Variants in PXDNL observed in about 807,000 individuals in gnomAD.
PXDNL encodes the protein probable oxidoreductase PXDNL.
Under a neutral mutation model 150.8 loss-of-function variants are expected in PXDNL, and 145 were observed. The observed-to-expected ratio is 0.96, with a 90% confidence interval of 0.84 to 1.10. PXDNL has a LOEUF of 1.10. Ranked by LOEUF, PXDNL falls within the 50% of genes least tolerant of loss-of-function variation. PXDNL has a pLI of 0.00. For synonymous variants in PXDNL, 757 were observed against 725.7 expected, an observed-to-expected ratio of 1.04 and a Z score of -0.69; for missense variants, 2,087 against 1,873.9, an observed-to-expected ratio of 1.11 and a Z score of -2.10.
chr8:51,531,970 G>A (rs538390713), intron 4 of PXDNL, among the ~76,000 whole-genome samples: 4 of 152,232 alleles, frequency 2.6e-5, no homozygotes, highest in Non-Finnish European at 5.9e-5. Context: ...CCCCAAACAC[G>A]GTTTAATGTA....
intron 3 of PXDNL, among the ~76,000 whole-genome samples, chr8:51,582,745 TACA>T (rs1813235874): frequency 6.6e-6 from 1 of 152,180 alleles, no homozygotes; most frequent in Non-Finnish European, 1.5e-5. Context: ...AGTAAGACAC[TACA>T]GTTATCCTAT....
chr8:51,370,734 T>C (rs2130780320), intron 19 of PXDNL, among the ~76,000 whole-genome samples: 1 of 152,300 alleles, frequency 6.6e-6, no homozygotes, highest in South Asian at 2.1e-4. Flanking sequence ...GTAGCTACGA[T>C]TACAGGTACC....
intron 1 of PXDNL, among the ~76,000 whole-genome samples, chr8:51,735,816 G>A (rs1047802324): frequency 1.3e-5 from 2 of 152,054 alleles, no homozygotes; most frequent in East Asian, 3.9e-4. Flanking sequence ...AAAGTGCTGG[G>A]ATTACAGGCG....
In PXDNL at chr8:51,409,252, G is replaced by A. The variant is rs1281701815; in HGVS notation, c.2372C>T (p.Ala791Val). The change falls in exon 17 of 23, where the codon GCG becomes GTG. Residue 791 changes from alanine (A) to valine (V), a missense_variant. Ala to Val is a moderately conservative substitution (Grantham distance 64). Coordinates refer to ENST00000356297, the MANE Select transcript of PXDNL (RefSeq NM_144651.5). ...GTAGCTGTGGTCGGGGGTGACGGCC[G>A]CCGCGCGCGCCCACACTGTGGCGAC... ...RLVATVWARA[A>V]AVTPDHSYTR... 2.0e-6 allele frequency: 3 copies of A among 1,494,264 alleles called. No individual in the cohort carries two copies. The highest frequency in any genetic ancestry group is 5.0e-5 in the East Asian group (2 of 40,380). The allele number at this position is 1,494,264 out of a possible 1,614,324, so 92.6% of individuals were successfully genotyped here.
At chr8:51,442,695 T>A (rs1003513785) in intron 12 of PXDNL, among the ~76,000 whole-genome samples, 1 of 152,038 alleles carries the variant, frequency 6.6e-6, no homozygotes, top group Admixed American at 6.6e-5. Context: ...TACTCTTTTG[T>A]TCTTAAATTT....
At chr8:51,748,705 G>A (rs2037012549) in intron 1 of PXDNL, among the ~76,000 whole-genome samples, 1 of 152,172 alleles carries the variant, frequency 6.6e-6, no homozygotes, top group South Asian at 2.1e-4. Context: ...GAGGTCACGA[G>A]CCCCTGGGCC....
rs1263989662 is a variant in PXDNL, at chr8:51,426,682, A to G, written c.1602T>C (p.Ala534=). ...VGKNINISCH[A]QGEPQPIITW... ...TAATTATGGGCTGTGGTTCTCCTTGAGCATGACATGAAATGTTTATATTCT... is the reference window on the plus strand; with the variant it reads ...TAATTATGGGCTGTGGTTCTCCTTGGGCATGACATGAAATGTTTATATTCT... The change falls in exon 13 of 23, where the codon GCT becomes GCC. Residue 534 remains alanine (A), a synonymous_variant. Coordinates refer to ENST00000356297, the MANE Select transcript of PXDNL (RefSeq NM_144651.5). 8.7e-6 allele frequency: 14 copies of G among 1,607,706 alleles called. No homozygotes were observed. The highest frequency in any genetic ancestry group is 2.2e-5 in the East Asian group (1 of 44,810).
chr8:51,615,535 A>G (rs531835147), intron 2 of PXDNL, among the ~76,000 whole-genome samples: 6 of 145,014 alleles, frequency 4.1e-5, no homozygotes, highest in South Asian at 2.1e-4. Flanking sequence ...GTCTGGGGGG[A>G]AAAGAGAGGA....
chr8:51,687,225 C>T (rs1395085147), intron 1 of PXDNL, among the ~76,000 whole-genome samples: 6 of 152,140 alleles, frequency 3.9e-5, no homozygotes, highest in African/African-American at 1.2e-4. Context: ...ACCAAACACT[C>T]CTGCTATGAA....
chr8:51,368,364 G>A (rs137923489), intron 19 of PXDNL, among the ~76,000 whole-genome samples: 1,989 of 152,152 alleles, frequency 0.013, 35 homozygotes, highest in African/African-American at 0.044. Flanking sequence ...AATCTTGACT[G>A]CATTTATATT....
chr8:51,623,949 CT>C (rs1395565180), intron 2 of PXDNL, among the ~76,000 whole-genome samples: 2 of 151,772 alleles, frequency 1.3e-5, no homozygotes, highest in African/African-American at 4.8e-5. Context: ...AAAAAGTAGC[CT>C]GCTGTGGTGG....
intron 3 of PXDNL, among the ~76,000 whole-genome samples, chr8:51,567,393 G>A (rs749623275): frequency 5.9e-5 from 9 of 151,654 alleles, no homozygotes; most frequent in African/African-American, 2.2e-4. Flanking sequence ...TATCATAGTC[G>A]ATTCCTCTAT....
chr8:51,723,274 A>T (rs2130920049), intron 1 of PXDNL, among the ~76,000 whole-genome samples: 1 of 152,322 alleles, frequency 6.6e-6, no homozygotes, highest in South Asian at 2.1e-4. Context: ...GTGGTAAAGG[A>T]AACACAAATT....
At chr8:51,658,083 C>G (rs532815094) in intron 1 of PXDNL, among the ~76,000 whole-genome samples, 1 of 152,108 alleles carries the variant, frequency 6.6e-6, no homozygotes, top group African/African-American at 2.4e-5. Context: ...GTAGCTCATG[C>G]CTGTAATCCC....
At chr8:51,339,569 G>A in intron 21 of PXDNL, 55 bp downstream of exon 21, 1 of 1,542,006 alleles carries the variant, frequency 6.5e-7, no homozygotes, top group Admixed American at 1.8e-5. Context: ...AATCTTTTAT[G>A]TTTAGTTATT....
rs547584910 is a variant in PXDNL at position 51,654,323 on chromosome 8, T to C, written c.236+366A>G. On this transcript the variant is annotated intron_variant, in intron 2 of 22. Coordinates refer to ENST00000356297, the MANE Select transcript of PXDNL (RefSeq NM_144651.5). The stretch of plus-strand genomic sequence containing the variant: ...CAAATAAGAAGGCCTAGTAGCATAC[T>C]GAGTAGAGCATGGGCTTTGCAGTTA... Among the ~76,000 whole-genome samples the C allele has an allele frequency of 1.9e-3, 285 of 152,370 alleles. 1 individual carries two copies. The highest frequency in any genetic ancestry group is 6.6e-3 in the African/African-American group (276 of 41,592).
At chr8:51,346,033 G>T in intron 19 of PXDNL, 86 bp from the exon 20 acceptor site, 1 of 790,798 alleles carries the variant, frequency 1.3e-6, no homozygotes, top group Non-Finnish European at 2.1e-6. Context: ...CAGTCAGAGA[G>T]GGCAAGAGTA....
intron 4 of PXDNL, among the ~76,000 whole-genome samples, chr8:51,505,166 C>T (rs1186897081): frequency 6.6e-6 from 1 of 152,084 alleles, no homozygotes; most frequent in Admixed American, 6.6e-5. Context: ...TTTGACATCT[C>T]GTATCTGAGT....
chr8:51,739,016 G>C (rs2036873529), intron 1 of PXDNL, among the ~76,000 whole-genome samples: 2 of 151,866 alleles, frequency 1.3e-5, no homozygotes, highest in African/African-American at 4.8e-5. Flanking sequence ...ATCAAACCCA[G>C]CAAATATAAA....
Sources: allele counts gnomAD v4.1 joint callset (sites outside exome capture counted in the v4.1 genomes callset), GRCh38; gene constraint gnomAD v4.1.1; transcripts MANE v1.5; gene names NCBI Gene and HGNC (gene_info 2026-07-23, HGNC 2026-07-21).